The following PLEKHA1 variants were observed in gnomAD, a reference collection of about 807,000 sequenced individuals.
The protein encoded by PLEKHA1 is pleckstrin homology domain containing A1.
PLEKHA1 carries 34 observed loss-of-function variants against 52.0 expected under a neutral mutation model. That is an observed-to-expected ratio of 0.65 (90% CI 0.50 to 0.87). PLEKHA1 has a LOEUF of 0.87. PLEKHA1 is among the 40% of genes least tolerant of loss of function. The pLI is 0.00. For synonymous variants in PLEKHA1, 163 were observed against 170.7 expected, an observed-to-expected ratio of 0.95 and a Z score of 0.35; for missense variants, 497 against 504.2, an observed-to-expected ratio of 0.99 and a Z score of 0.14.
intron 10 of PLEKHA1, chr10:122,425,845 T>TC (rs1471695394): frequency 6.6e-6 from 1 of 152,132 alleles, no homozygotes; most frequent in Non-Finnish European, 1.5e-5. Flanking sequence ...AAACATTCAG[T>TC]CCCACATTGA....
chr10:122,405,616 A>T (rs1022195895), intron 4 of PLEKHA1, among the ~76,000 whole-genome samples: 2 of 151,670 alleles, frequency 1.3e-5, no homozygotes, highest in African/African-American at 4.9e-5. Context: ...GGGATTTGTT[A>T]TGGGGAATTG....
intron 11 of PLEKHA1, among the ~76,000 whole-genome samples, chr10:122,429,352 C>A (rs1243095884): frequency 6.6e-6 from 1 of 152,156 alleles, no homozygotes; most frequent in African/African-American, 2.4e-5. Context: ...GTGTCATAGG[C>A]TGCCAAATTC....
At chr10:122,397,781 CAG>C in intron 2 of PLEKHA1, 135 bp from the exon 3 acceptor site, 1 of 651,412 alleles carries the variant, frequency 1.5e-6, no homozygotes, top group East Asian at 2.8e-5. Flanking sequence ...AAAATTTGAA[CAG>C]AAGAAAAGTT....
intron 1 of PLEKHA1, among the ~76,000 whole-genome samples, chr10:122,390,997 G>A (rs186442608): frequency 1.9e-3 from 287 of 152,040 alleles, no homozygotes; most frequent in African/African-American, 6.7e-3. Flanking sequence ...TCCTAGTGGG[G>A]GTGAAGTTTT....
At chr10:122,375,835 T>C (rs1405636311) in intron 1 of PLEKHA1, among the ~76,000 whole-genome samples, 1 of 152,248 alleles carries the variant, frequency 6.6e-6, no homozygotes, top group African/African-American at 2.4e-5. Context: ...TCTGCAGTAC[T>C]GGTTTTCTTA....
At chr10:122,423,425 C>CA (rs201686891) in intron 8 of PLEKHA1, 85,392 of 127,492 alleles carry the variant, frequency 0.67, 27,118 homozygotes, top group East Asian at 0.8. Flanking sequence ...AACTCCATCT[C>CA]AAAAAAAAAA....
chr10:122,424,060 G>T, intron 8 of PLEKHA1, 139 bp from the exon 9 acceptor site: 1 of 1,153,206 alleles, frequency 8.7e-7, no homozygotes, highest in South Asian at 1.6e-5. Context: ...GGTTTAAGAA[G>T]GTAGATTTAT....
chr10:122,435,768 G>C (rs533376989), downstream of PLEKHA1: 1 of 151,896 alleles, frequency 6.6e-6, no homozygotes, highest in Admixed American at 6.6e-5. Flanking sequence ...TTCTGTTTCT[G>C]TAAGAAATAA....
chr10:122,418,749 C>A (rs2133297226), intron 8 of PLEKHA1: 1 of 152,206 alleles, frequency 6.6e-6, no homozygotes, highest in Admixed American at 6.5e-5. Flanking sequence ...TGATCTGAGT[C>A]CTGAAATAGC....
At chr10:122,388,973 TC>T (rs1256997049) in intron 1 of PLEKHA1, among the ~76,000 whole-genome samples, 2 of 152,234 alleles carry the variant, frequency 1.3e-5, no homozygotes, top group African/African-American at 4.8e-5. Context: ...TGTAGTTACT[TC>T]CTCCACTGAA....
At chr10:122,394,563 T>G (rs2096824886) in intron 2 of PLEKHA1, among the ~76,000 whole-genome samples, 1 of 152,144 alleles carries the variant, frequency 6.6e-6, no homozygotes. Flanking sequence ...TTATACAAGG[T>G]TCTGTTCTGT....
At chr10:122,406,712 G>A (rs2097021638) in intron 5 of PLEKHA1, 39 bp downstream of exon 5, 3 of 1,398,182 alleles carry the variant, frequency 2.1e-6, no homozygotes, top group Non-Finnish European at 3.0e-6. Flanking sequence ...TTCGATGTCT[G>A]GAATTAATCT....
intron 1 of PLEKHA1, chr10:122,387,384 TTTC>T (rs2096715053): frequency 6.6e-6 from 1 of 152,194 alleles, no homozygotes; most frequent in African/African-American, 2.4e-5. Context: ...TCCCTTTTGA[TTTC>T]TTCTTTTACC....
At chr10:122,418,112 GC>G in intron 8 of PLEKHA1, 144 bp downstream of exon 8, 1 of 529,638 alleles carries the variant, frequency 1.9e-6, no homozygotes, top group Non-Finnish European at 3.2e-6. Context: ...TGGTTGTGAT[GC>G]TTTTGGTTAA....
chr10:122,405,387 TAAA>T (rs1365163336), intron 4 of PLEKHA1, among the ~76,000 whole-genome samples: 1 of 151,812 alleles, frequency 6.6e-6, no homozygotes, highest in Non-Finnish European at 1.5e-5. Flanking sequence ...AAAAGATTAA[TAAA>T]GAAGTTGCTA....
At chr10:122,378,005 A>C (rs1014713643) in intron 1 of PLEKHA1, among the ~76,000 whole-genome samples, 2 of 152,234 alleles carry the variant, frequency 1.3e-5, no homozygotes, top group African/African-American at 4.8e-5. Flanking sequence ...CAGGCTTGTC[A>C]GTCTGATAGC....
chr10:122,383,726 T>A (rs1012433262), intron 1 of PLEKHA1, among the ~76,000 whole-genome samples: 1 of 152,208 alleles, frequency 6.6e-6, no homozygotes, highest in Non-Finnish European at 1.5e-5. Context: ...ATAATGTGTC[T>A]GTTTTCTTAA....
chr10:122,385,664 A>G (rs956404223), intron 1 of PLEKHA1, among the ~76,000 whole-genome samples: 1 of 152,136 alleles, frequency 6.6e-6, no homozygotes, highest in Non-Finnish European at 1.5e-5. Flanking sequence ...AGATTTATTC[A>G]TGTTGTTGCA....
At chr10:122,376,495 T>C (rs2096536456) in intron 1 of PLEKHA1, among the ~76,000 whole-genome samples, 1 of 54,684 alleles carries the variant, frequency 1.8e-5, no homozygotes, top group Non-Finnish European at 3.4e-5. Context: ...TTAGTGACAT[T>C]AAGAAGATAT....
Sources: allele counts gnomAD v4.1 joint callset (sites outside exome capture counted in the v4.1 genomes callset), GRCh38; gene constraint gnomAD v4.1.1; transcripts MANE v1.5; gene names NCBI Gene and HGNC (gene_info 2026-07-23, HGNC 2026-07-21).